The following PTPRM variants were observed in gnomAD, a reference collection of about 807,000 sequenced individuals.
The protein encoded by PTPRM is receptor-type tyrosine-protein phosphatase mu.
Under a neutral mutation model 186.7 loss-of-function variants are expected in PTPRM, and 47 were observed. The observed-to-expected ratio is 0.25, with a 90% CI of 0.20 to 0.32. The LOEUF is 0.32. Among genes scored for constraint, PTPRM ranks in the 10% least tolerant of loss-of-function variants. The probability of loss-of-function intolerance (pLI) is 1.00; values close to 1 mark genes in which losing one functional copy is unlikely to be tolerated. For synonymous variants in PTPRM, 668 were observed against 674.9 expected (o/e 0.99, Z 0.16); for missense variants, 1,494 against 1,865.0 (o/e 0.80, Z 3.66).
At chr18:7,853,399 G>T (rs1383930483) in intron 2 of PTPRM, among the ~76,000 whole-genome samples, 1 of 152,154 alleles carries the variant, frequency 6.6e-6, no homozygotes, top group East Asian at 1.9e-4. Context: ...TCCTCCCTTG[G>T]GAGCTTCAGG....
chr18:8,194,901 T>C (rs77710179), intron 14 of PTPRM, among the ~76,000 whole-genome samples: 6,590 of 152,230 alleles, frequency 0.043, 465 homozygotes, highest in African/African-American at 0.15. Context: ...GCCTCTTTTA[T>C]TCTTGTAAGG....
chr18:8,255,746 G>A (rs1056122990), intron 19 of PTPRM, among the ~76,000 whole-genome samples: 8 of 152,202 alleles, frequency 5.3e-5, no homozygotes, highest in South Asian at 4.1e-4. Context: ...GAATAATCCC[G>A]TCACTGAGTA....
chr18:8,064,178 G>T (rs539619122), intron 7 of PTPRM, among the ~76,000 whole-genome samples: 1 of 152,086 alleles, frequency 6.6e-6, no homozygotes, highest in South Asian at 2.1e-4. Context: ...TTATTTAGTT[G>T]CTATGTAGAT....
intron 1 of PTPRM, among the ~76,000 whole-genome samples, chr18:7,666,118 A>G (rs989087926): frequency 1.3e-5 from 2 of 152,234 alleles, no homozygotes; most frequent in Admixed American, 6.5e-5. Context: ...GAATGTTTCC[A>G]TAAAAGACTT....
At chr18:8,001,558 C>G (rs1341955670) in intron 7 of PTPRM, among the ~76,000 whole-genome samples, 1 of 151,998 alleles carries the variant, frequency 6.6e-6, no homozygotes, top group African/African-American at 2.4e-5. Flanking sequence ...TGCCCCTCCA[C>G]CAGCCTAGAT....
intron 1 of PTPRM, among the ~76,000 whole-genome samples, chr18:7,772,779 A>G (rs1259259592): frequency 6.6e-6 from 1 of 152,152 alleles, no homozygotes; most frequent in Non-Finnish European, 1.5e-5. Context: ...TGCCAACAGG[A>G]CACACATTGT....
chr18:7,802,183 T>C (rs1398051545), intron 2 of PTPRM, among the ~76,000 whole-genome samples: 1 of 152,190 alleles, frequency 6.6e-6, no homozygotes, highest in African/African-American at 2.4e-5. Context: ...CTGAGGATCA[T>C]CACCTTGGGC....
chr18:7,765,651 A>G (rs2041982340), intron 1 of PTPRM, among the ~76,000 whole-genome samples: 1 of 152,156 alleles, frequency 6.6e-6, no homozygotes, highest in Non-Finnish European at 1.5e-5. Flanking sequence ...TTTAAATTTG[A>G]GATAAATAGG....
At chr18:8,276,714 TG>T (rs904767218) in intron 19 of PTPRM, among the ~76,000 whole-genome samples, 43 of 152,300 alleles carry the variant, frequency 2.8e-4, no homozygotes, top group Non-Finnish European at 5.3e-4. Flanking sequence ...CAGCTGACTC[TG>T]GGGCTCATGC....
rs1002881351 is a variant in PTPRM, at chr18:8,372,196, C to A, written c.3171+1190C>A. Among the ~76,000 whole-genome samples the A allele has an allele frequency of 5.4e-5, 8 of 147,192 alleles. No individual in the cohort carries two copies. In the South Asian group the frequency reaches 1.5e-3, roughly 28 times the overall value. ...ACGCCATTCTCCTGCCTCAGCCTCC[C>A]GAGTAGCTGGGACTACAGGCGCCCG... On this transcript the variant is annotated intron_variant, in intron 24 of 32. Transcript: ENST00000580170.
At chr18:8,165,249 C>T (rs1264600829) in intron 14 of PTPRM, among the ~76,000 whole-genome samples, 2 of 152,150 alleles carry the variant, frequency 1.3e-5, no homozygotes, top group Middle Eastern at 3.4e-3. Flanking sequence ...TTCTTGGCAC[C>T]GCTCATCATT....
chr18:8,046,979 A>G (rs565914377), intron 7 of PTPRM, among the ~76,000 whole-genome samples: 1 of 152,206 alleles, frequency 6.6e-6, no homozygotes, highest in African/African-American at 2.4e-5. Flanking sequence ...TAGAACTTCA[A>G]GTGACCACTA....
chr18:7,605,871 A>G (rs2037520053), intron 1 of PTPRM, among the ~76,000 whole-genome samples: 1 of 152,086 alleles, frequency 6.6e-6, no homozygotes, highest in African/African-American at 2.4e-5. Flanking sequence ...CTGACATGGG[A>G]TTAGGTGATA....
intron 3 of PTPRM, among the ~76,000 whole-genome samples, chr18:7,894,150 C>G (rs1214314881): frequency 6.6e-6 from 1 of 152,196 alleles, no homozygotes; most frequent in Non-Finnish European, 1.5e-5. Context: ...TAGTCTGATG[C>G]TCTCAGAAAT....
chr18:8,116,392 T>G (rs556991130), intron 13 of PTPRM, among the ~76,000 whole-genome samples: 1 of 152,370 alleles, frequency 6.6e-6, no homozygotes, highest in East Asian at 1.9e-4. Context: ...ACTGCTATTC[T>G]TATTTTTAAG....
At chr18:7,703,563 A>C (rs2040011390) in intron 1 of PTPRM, among the ~76,000 whole-genome samples, 1 of 152,258 alleles carries the variant, frequency 6.6e-6, no homozygotes, top group East Asian at 1.9e-4. Context: ...CAGCTTAAGG[A>C]GATTTTGGGT....
rs774261650 is a variant in PTPRM, at chr18:8,379,245, C to T, written c.3691C>T (p.Arg1231Trp). ...GTTGCCCCGGAACCATGAGAAAAAC[C>T]GGTGCATGGACATCCTGCCCCCAGA... ...ALLPRNHEKNRCMDILPPDRC... is the reference protein window; with the variant it reads ...ALLPRNHEKNWCMDILPPDRC... Residue 1231 changes from arginine (R) to tryptophan (W), a missense_variant, in exon 28 of 33, where the codon CGG (arginine) becomes TGG (tryptophan). Transcript: ENST00000580170. 1.9e-6 allele frequency: 3 copies of T among 1,613,968 alleles called. No individual in the cohort carries two copies. The highest frequency in any genetic ancestry group is 1.3e-5 in the African/African-American group (1 of 74,904).
At chr18:8,156,004 A>G (rs1214655044) in intron 14 of PTPRM, among the ~76,000 whole-genome samples, 1 of 152,230 alleles carries the variant, frequency 6.6e-6, no homozygotes, top group Non-Finnish European at 1.5e-5. Flanking sequence ...CTTGCCTAGC[A>G]CATACTTTGG....
intron 23 of PTPRM, among the ~76,000 whole-genome samples, chr18:8,348,469 T>C (rs961057654): frequency 2.6e-5 from 4 of 152,376 alleles, no homozygotes; most frequent in Middle Eastern, 3.4e-3. Context: ...CCACGTGTTC[T>C]GGGAAGAGAC....
Sources: gnomAD v4.1 joint callset for allele counts (sites outside exome capture counted in the v4.1 genomes callset) on GRCh38, gnomAD v4.1.1 for gene constraint, MANE v1.5 for transcripts, NCBI Gene and HGNC (gene_info 2026-07-23, HGNC 2026-07-21) for gene names.